BMPR2: variants seen among roughly 807,000 people sequenced by gnomAD.
BMPR2 encodes bone morphogenetic protein receptor type-2.
BMPR2 carries 29 observed loss-of-function variants against 100.8 expected under a neutral mutation model. That is an observed-to-expected ratio of 0.29 (90% CI 0.21 to 0.39). BMPR2 has a LOEUF of 0.39. BMPR2 is among the 10% of genes least tolerant of loss of function. The pLI is 1.00. For synonymous variants in BMPR2, 382 were observed against 442.3 expected (o/e 0.86, Z 1.71); for missense variants, 1,011 against 1,274.5 (o/e 0.79, Z 3.15).
At position 202,543,535 on chromosome 2, in the gene BMPR2, T is replaced by C. The variant is rs554688051; in HGVS notation, c.1413+1088T>C. ...TGATAAAATCATATAATGATTCTAT[T>C]GGATGATATATGATAATTATTGTAT... On this transcript the variant is annotated intron_variant, in intron 10 of 12. Transcript: ENST00000374580. Among the ~76,000 whole-genome samples the C allele has an allele frequency of 5.9e-5, 9 of 151,904 alleles. No homozygotes were observed. In the South Asian group the frequency reaches 1.7e-3, roughly 28 times the overall value.
At chr2:202,538,726 A>G (rs1202639589) in intron 9 of BMPR2, among the ~76,000 whole-genome samples, 3 of 150,214 alleles carry the variant, frequency 2.0e-5, no homozygotes, top group Non-Finnish European at 4.4e-5. Flanking sequence ...CCCGGGACGC[A>G]GAGGTTGCAG....
At chr2:202,505,669 T>A (rs1574482630) in intron 3 of BMPR2, among the ~76,000 whole-genome samples, 1 of 152,152 alleles carries the variant, frequency 6.6e-6, no homozygotes, top group Non-Finnish European at 1.5e-5. Flanking sequence ...CTAGAGGTGG[T>A]GCTGGCACTC....
intron 1 of BMPR2, among the ~76,000 whole-genome samples, chr2:202,388,396 C>CAAAAAAAAA (rs71406975): frequency 2.7e-5 from 1 of 36,974 alleles, no homozygotes; most frequent in African/African-American, 1.2e-4. Context: ...GACTCCATCT[C>CAAAAAAAAA]AAAAAAAAAA....
intron 12 of BMPR2, among the ~76,000 whole-genome samples, chr2:202,557,046 T>C (rs577702917): frequency 1.3e-5 from 2 of 151,160 alleles, no homozygotes; most frequent in African/African-American, 4.9e-5. Flanking sequence ...AATAAACCAT[T>C]TGGGCCAGGC....
At chr2:202,548,244 A>G (rs1688410335) in intron 10 of BMPR2, among the ~76,000 whole-genome samples, 1 of 152,230 alleles carries the variant, frequency 6.6e-6, no homozygotes, top group Non-Finnish European at 1.5e-5. Flanking sequence ...TCTGTGATCT[A>G]GAATTCAACA....
chr2:202,472,039 C>T (rs2105965974), intron 3 of BMPR2, among the ~76,000 whole-genome samples: 2 of 152,070 alleles, frequency 1.3e-5, no homozygotes, highest in Middle Eastern at 6.8e-3. Flanking sequence ...ATTCTTGTGA[C>T]TGTTGTGTAA....
chr2:202,437,000 C>A (rs1478959781), intron 1 of BMPR2, among the ~76,000 whole-genome samples: 1 of 150,222 alleles, frequency 6.7e-6, no homozygotes, highest in Non-Finnish European at 1.5e-5. Context: ...TTTGGGGCTT[C>A]CTCAAAAACT....
rs993530058 is a variant in BMPR2 at position 202,438,095 on chromosome 2, C to G, written c.77-26714C>G. 1.3e-5 allele frequency among the ~76,000 whole-genome samples: 2 copies of G among 150,046 alleles called. 1 individual carries two copies. Among genetic ancestry groups the G allele is most frequent in the African/African-American group, 5.1e-5 (2 of 39,508 alleles). ...TTGGGAGGTGAAGGTGGGCGGATCACCTGAGGTTGGGAGTTCGAGACCACC... is the reference window on the plus strand; with the variant it reads ...TTGGGAGGTGAAGGTGGGCGGATCAGCTGAGGTTGGGAGTTCGAGACCACC... On this transcript the variant is annotated intron_variant, in intron 1 of 12. Transcript: ENST00000374580.
At chr2:202,488,169 A>G (rs1415049768) in intron 3 of BMPR2, among the ~76,000 whole-genome samples, 1 of 152,178 alleles carries the variant, frequency 6.6e-6, no homozygotes, top group Non-Finnish European at 1.5e-5. Context: ...TTTGTTTCTC[A>G]TTCTCTTTAT....
At chr2:202,534,868 C>T (rs1688102497) in intron 9 of BMPR2, among the ~76,000 whole-genome samples, 1 of 143,208 alleles carries the variant, frequency 7.0e-6, no homozygotes, top group African/African-American at 2.7e-5. Flanking sequence ...CCCCCCACCT[C>T]CCTCCCGGAC....
At chr2:202,398,865 A>T (rs1343379721) in intron 1 of BMPR2, among the ~76,000 whole-genome samples, 1 of 152,170 alleles carries the variant, frequency 6.6e-6, no homozygotes, top group East Asian at 1.9e-4. Flanking sequence ...GCGGTGGCTC[A>T]CGCCTGTAAT....
chr2:202,472,528 G>A (rs999361532), intron 3 of BMPR2, among the ~76,000 whole-genome samples: 1 of 152,122 alleles, frequency 6.6e-6, no homozygotes, highest in Non-Finnish European at 1.5e-5. Flanking sequence ...GCATGGTGGC[G>A]CATGCCTGTA....
chr2:202,493,487 A>G (rs541039670), intron 3 of BMPR2, among the ~76,000 whole-genome samples: 174 of 152,012 alleles, frequency 1.1e-3, no homozygotes, highest in Non-Finnish European at 2.0e-3. Flanking sequence ...TAATTCTTCT[A>G]TTTTTCTTGT....
At chr2:202,549,532 G>A (rs965767654) in intron 10 of BMPR2, among the ~76,000 whole-genome samples, 1 of 151,984 alleles carries the variant, frequency 6.6e-6, no homozygotes, top group African/African-American at 2.4e-5. Context: ...GTGACCGGGC[G>A]CAGTGGCGGA....
At chr2:202,423,518 G>T (rs530486581) in intron 1 of BMPR2, among the ~76,000 whole-genome samples, 11 of 152,234 alleles carry the variant, frequency 7.2e-5, no homozygotes, top group African/African-American at 2.6e-4. Context: ...GAGGAGGATG[G>T]GGTGGGAGGA....
Position 202,457,786 on chromosome 2 carries a change from A to G in BMPR2, c.77-7023A>G, listed in dbSNP as rs115009185. Among the ~76,000 whole-genome samples the G allele has an allele frequency of 2.2e-3, 328 of 152,054 alleles. 2 individuals carry two copies. Among genetic ancestry groups the G allele is most frequent in the African/African-American group, 7.4e-3 (308 of 41,502 alleles). ...GCTCTGTCACCCACACTGGAGTGCA[A>G]TGGTGTGATCTTGGCTCACTGCAGC... On this transcript the variant is annotated intron_variant, in intron 1 of 12. Coordinates refer to ENST00000374580, the MANE Select transcript of BMPR2 (RefSeq NM_001204.7).
At chr2:202,520,026 CTTCATGT>C in intron 6 of BMPR2, 54 bp from the exon 7 acceptor site, 2 of 1,085,766 alleles carry the variant, frequency 1.8e-6, no homozygotes, top group Non-Finnish European at 1.4e-6. Context: ...CTAATTTACT[CTTCATGT>C]TAAAGTGAGT....
chr2:202,510,286 C>T (rs539412040), intron 3 of BMPR2, among the ~76,000 whole-genome samples: 10 of 152,216 alleles, frequency 6.6e-5, no homozygotes, highest in South Asian at 2.1e-4. Flanking sequence ...GGTGTGGTGG[C>T]GCGTGCCTGT....
At chr2:202,518,127 C>CT (rs35869694) in intron 5 of BMPR2, among the ~76,000 whole-genome samples, 4,916 of 77,050 alleles carry the variant, frequency 0.064, 560 homozygotes, top group African/African-American at 0.08. Context: ...CGCCTGGCCT[C>CT]TTTTTTTTTT....
Sources: gnomAD v4.1 joint callset for allele counts (sites outside exome capture counted in the v4.1 genomes callset) on GRCh38, gnomAD v4.1.1 for gene constraint, MANE v1.5 for transcripts, NCBI Gene and HGNC (gene_info 2026-07-23, HGNC 2026-07-21) for gene names.